NRDC: variants seen among roughly 807,000 people sequenced by gnomAD.
The protein encoded by NRDC is nardilysin.
A neutral mutation model predicts 147.1 loss-of-function variants in NRDC; 54 were observed. That is an observed-to-expected ratio of 0.37 (90% CI 0.29 to 0.46). The LOEUF (loss-of-function observed/expected upper bound fraction) is 0.46. NRDC is among the 20% of genes least tolerant of loss of function. The pLI, the probability that NRDC is intolerant of heterozygous loss-of-function variation, is 1.00. For synonymous variants in NRDC, 440 were observed against 482.1 expected, an observed-to-expected ratio of 0.91 and a Z score of 1.14; for missense variants, 1,082 against 1,370.6, an observed-to-expected ratio of 0.79 and a Z score of 3.33.
chr1:51,833,583 C>T (rs532754519), intron 4 of NRDC, among the ~76,000 whole-genome samples: 10 of 151,906 alleles, frequency 6.6e-5, no homozygotes, highest in South Asian at 6.2e-4. Context: ...GTGTATTTAA[C>T]AGTTTAACAG....
intron 1 of NRDC, among the ~76,000 whole-genome samples, chr1:51,848,631 A>G (rs1453290325): frequency 6.6e-6 from 1 of 152,228 alleles, no homozygotes; most frequent in Non-Finnish European, 1.5e-5. Context: ...AGCCAAAATC[A>G]AAGAACTATA....
At chr1:51,799,710 C>T (rs1018865566) in intron 21 of NRDC, among the ~76,000 whole-genome samples, 20 of 152,102 alleles carry the variant, frequency 1.3e-4, no homozygotes, top group African/African-American at 4.6e-4. Context: ...TTCTGATTCA[C>T]GCAAAAGTAT....
Position 51,791,456 on chromosome 1 carries a change from T to C in NRDC, c.2960+122A>G, listed in dbSNP as rs1678650125. The C allele has an allele frequency of 6.7e-6, 5 of 750,578 alleles. No individual in the cohort carries two copies. The South Asian group carries it at 7.8e-5, about 12-fold the overall frequency. 46.5% of individuals were successfully genotyped at this position (750,578 alleles called of 1,614,324 possible). ...TATAACAACCCCCATCTTCCCAGCT[T>C]CCACTGACTAAATAGAGCAAACCTG... On this transcript the variant is annotated intron_variant, in intron 27 of 30. Transcript: ENST00000352171.
intron 21 of NRDC, chr1:51,798,887 T>G (rs1679055520): frequency 6.5e-6 from 1 of 152,688 alleles, no homozygotes; most frequent in Non-Finnish European, 1.5e-5. Context: ...CCAAATAAGC[T>G]GTTTGAATTT....
intron 1 of NRDC, among the ~76,000 whole-genome samples, chr1:51,846,648 T>G (rs1159154491): frequency 6.6e-6 from 1 of 152,182 alleles, no homozygotes; most frequent in African/African-American, 2.4e-5. Flanking sequence ...ACCTTCAGGG[T>G]GAGTGTTATA....
intron 16 of NRDC, 135 bp downstream of exon 16, chr1:51,810,146 T>G (rs1679648053): frequency 3.6e-6 from 2 of 554,844 alleles, no homozygotes; most frequent in African/African-American, 1.9e-5. Context: ...GTAGTATAAG[T>G]AATTTTCATT....
chr1:51,872,643 G>A (rs1683137317), intron 1 of NRDC, among the ~76,000 whole-genome samples: 1 of 152,166 alleles, frequency 6.6e-6, no homozygotes, highest in African/African-American at 2.4e-5. Context: ...GGTGGAGGCT[G>A]CAGTGAGTTG....
In NRDC at chr1:51,814,801, A is replaced by C. The variant is rs773698794; in HGVS notation, c.1452T>G (p.Leu484=). 5 of 1,598,382 alleles carry C rather than the reference A, an allele frequency of 3.1e-6. No homozygotes were observed. Among genetic ancestry groups the C allele is most frequent in the Non-Finnish European group, 3.4e-6 (4 of 1,174,786 alleles). The change falls in exon 12 of 31, where the codon CTT becomes CTG. Residue 484 remains leucine (L), a synonymous_variant. Transcript: ENST00000352171. ...TCTCACCATTTCCACCAAACAGTGC[A>C]AGAGCCCAGCATCTACAGGTGGGGA... ...LSFLRKKCWA[L]ALFGGNGETG... is the part of the protein sequence containing the mutation.
chr1:51,834,036 A>G lies in NRDC; in HGVS notation c.847T>C (p.Phe283Leu), dbSNP rs1557918385. 6.2e-7 allele frequency: 1 copy of G among 1,614,066 alleles called. No homozygotes were observed. Among genetic ancestry groups the G allele is most frequent in the Non-Finnish European group, 8.5e-7 (1 of 1,179,964 alleles). Reference protein sequence around the residue: ...VFQFDVQRKYFKEALDRWAQF... With the variant: ...VFQFDVQRKYLKEALDRWAQF... ...AGTTACCTATCAAGAGCTTCCTTGA[A>G]GTACTTCCTCTGGACATCAAACTGA... Residue 283 changes from phenylalanine (F) to leucine (L), a missense_variant, in exon 4 of 31, where the codon TTC becomes CTC. Transcript: ENST00000352171.
At chr1:51,828,342 C>T (rs1021045978) in intron 4 of NRDC, among the ~76,000 whole-genome samples, 2 of 152,096 alleles carry the variant, frequency 1.3e-5, no homozygotes, top group African/African-American at 4.8e-5. Flanking sequence ...CTATTCATTC[C>T]TTTGTAAAAT....
chr1:51,878,237 A>C, intron 1 of NRDC, 38 bp downstream of exon 1: 2 of 1,571,642 alleles, frequency 1.3e-6, no homozygotes, highest in Non-Finnish European at 1.7e-6. Context: ...AGAAGCCGGC[A>C]CACTGTTCGC....
intron 22 of NRDC, chr1:51,795,154 G>C (rs763182059): frequency 8.7e-6 from 12 of 1,373,414 alleles, no homozygotes; most frequent in Admixed American, 2.2e-5. Context: ...CTAGGCTGTG[G>C]CCTTTATGAC....
At chr1:51,825,435 T>C in intron 5 of NRDC, 53 bp from the exon 6 acceptor site, 1 of 1,295,904 alleles carries the variant, frequency 7.7e-7, no homozygotes, top group Non-Finnish European at 1.1e-6. Context: ...TCTCCTTTAT[T>C]ATATGGAAAT....
rs1007271740 is a variant in NRDC, at chr1:51,789,345, G to T, written c.3347C>A (p.Thr1116Asn). 1.2e-6 allele frequency: 2 copies of T among 1,614,110 alleles called. No homozygotes were observed. The highest frequency in any genetic ancestry group is 2.7e-5 in the African/African-American group (2 of 75,046). Reference sequence around the variant, plus strand: ...CAGCAGAGGAGAGGTTGGCAGGTAGGTCAGCTGCATCACTTCACAAGAAGA... The same window carrying T: ...CAGCAGAGGAGAGGTTGGCAGGTAGTTCAGCTGCATCACTTCACAAGAAGA... ...SNSSCEVMQL[T>N]YLPTSPLLAD... The change falls in exon 31 of 31, where the codon ACC becomes AAC. Residue 1116 changes from threonine to asparagine, a missense_variant. Physicochemically the swap from Thr to Asn is moderately conservative, Grantham distance 65. Coordinates refer to ENST00000352171, the MANE Select transcript of NRDC (RefSeq NM_001101662.2).
chr1:51,844,348 G>A (rs1490801212), intron 1 of NRDC, among the ~76,000 whole-genome samples: 2 of 152,058 alleles, frequency 1.3e-5, no homozygotes, highest in Admixed American at 6.6e-5. Context: ...TCTAAAGTAG[G>A]TCTGAATCCA....
chr1:51,846,799 C>T (rs555263654), intron 1 of NRDC, among the ~76,000 whole-genome samples: 2 of 152,336 alleles, frequency 1.3e-5, no homozygotes, highest in African/African-American at 4.8e-5. Flanking sequence ...CCACATCCTG[C>T]TGATTGGTCC....
chr1:51,823,711 A>T lies in NRDC; in HGVS notation c.1112T>A (p.Met371Lys). 11 of 1,608,414 alleles carry T rather than the reference A, an allele frequency of 6.8e-6. No homozygotes were observed. The highest frequency in any genetic ancestry group is 8.5e-6 in the Non-Finnish European group (10 of 1,175,026). The change falls in exon 7 of 31, where the codon ATG becomes AAG. Residue 371 changes from methionine (M) to lysine (K), a missense_variant. Around this residue, in one of 3 missense-constraint regions of NRDC, gnomAD observed 635 missense variants for 923.8 expected, o/e 0.69. Coordinates refer to ENST00000352171, the MANE Select transcript of NRDC (RefSeq NM_001101662.2). Reference protein sequence around the residue: ...DTHARLREFWMRYYSSHYMTL... With the variant: ...DTHARLREFWKRYYSSHYMTL... ...CATGTAATGAGAAGAGTAGTAACGC[A>T]TCCAGAATTCTCTCAATCTAGCATG...
chr1:51,863,746 T>C (rs1682666762), intron 1 of NRDC, among the ~76,000 whole-genome samples: 1 of 152,222 alleles, frequency 6.6e-6, no homozygotes, highest in South Asian at 2.1e-4. Flanking sequence ...CTATTTAATC[T>C]ATAATAATGT....
At chr1:51,852,782 T>C (rs1682038722) in intron 1 of NRDC, among the ~76,000 whole-genome samples, 1 of 152,016 alleles carries the variant, frequency 6.6e-6, no homozygotes, top group South Asian at 2.1e-4. Context: ...TCCTCCCAAA[T>C]TAAAAGGGCA....
Sources: gnomAD v4.1 joint callset for allele counts (sites outside exome capture counted in the v4.1 genomes callset) on GRCh38, gnomAD v4.1.1 for gene constraint, gnomAD v4.1.1 regional missense constraint, MANE v1.5 for transcripts, NCBI Gene and HGNC (gene_info 2026-07-23, HGNC 2026-07-21) for gene names.